Variants in UBE2D2 observed in about 807,000 individuals in gnomAD.
UBE2D2 encodes ubiquitin conjugating enzyme E2 D2, also known as ubiquitin-conjugating enzyme E2 D2.
In UBE2D2, 2 loss-of-function variants were observed where a neutral mutation model predicts 24.2. That is an observed-to-expected ratio of 0.08 (90% CI 0.03 to 0.26). The LOEUF is 0.26. Ranked by LOEUF, UBE2D2 falls within the 10% of genes least tolerant of loss-of-function variation. The pLI is 1.00. For synonymous variants in UBE2D2, 58 were observed against 56.5 expected (o/e 1.03, Z -0.12); for missense variants, 44 against 177.6 (o/e 0.25, Z 4.28).
chr5:139,546,807 C>CTTTCT (rs1438002511), intron 1 of UBE2D2, among the ~76,000 whole-genome samples: 7 of 141,952 alleles, frequency 4.9e-5, no homozygotes, highest in Admixed American at 1.5e-4. Context: ...TTCTTTCTTT[C>CTTTCT]TTCTTTCTTT....
At chr5:139,604,243 C>T (rs1159408635) in intron 2 of UBE2D2, among the ~76,000 whole-genome samples, 1 of 150,830 alleles carries the variant, frequency 6.6e-6, no homozygotes, top group Non-Finnish European at 1.5e-5. Flanking sequence ...TGGGTTCAAG[C>T]AGTTCTCCTG....
At chr5:139,596,042 C>T (rs543372296) in intron 1 of UBE2D2, among the ~76,000 whole-genome samples, 23 of 150,436 alleles carry the variant, frequency 1.5e-4, no homozygotes, top group African/African-American at 5.1e-4. Flanking sequence ...TACAGGCGCG[C>T]GCCACCATGC....
chr5:139,599,086 C>T (rs1323067927), intron 1 of UBE2D2, among the ~76,000 whole-genome samples: 15 of 151,564 alleles, frequency 9.9e-5, no homozygotes, highest in Admixed American at 7.9e-4. Flanking sequence ...GCACCCACTA[C>T]GCTCGGCTAA....
rs1292231182 is a variant in UBE2D2, at chr5:139,617,370, A to ATTT, written c.304+2425_304+2427dup. 2.2e-3 allele frequency among the ~76,000 whole-genome samples: 223 copies of ATTT among 102,496 alleles called. 6 individuals carry two copies. The highest frequency in any genetic ancestry group is 4.2e-3 in the African/African-American group (113 of 26,922). The allele number at this position is 102,496 out of a possible 152,430, so 67.2% of individuals were successfully genotyped here. A position where few individuals can be genotyped will look rare whatever the true frequency, so the allele number is the denominator to read the frequency against. On this transcript the variant is annotated intron_variant, in intron 5 of 6. Transcript: ENST00000398733. ...TTTGTGTGGTGAAATGTGGTGTGTGATTTTTTTTTTTTTTTTTTTTTTTGA... is the reference window on the plus strand; with the variant it reads ...TTTGTGTGGTGAAATGTGGTGTGTGATTTTTTTTTTTTTTTTTTTTTTTTTTGA...
At chr5:139,526,962 T>C (rs1267551556) in intron 1 of UBE2D2, among the ~76,000 whole-genome samples, 1 of 152,178 alleles carries the variant, frequency 6.6e-6, no homozygotes, top group Non-Finnish European at 1.5e-5. Flanking sequence ...CCATTCTTTG[T>C]CTTGTGGTGA....
intron 1 of UBE2D2, among the ~76,000 whole-genome samples, chr5:139,564,434 G>A (rs1753173851): frequency 6.7e-6 from 1 of 149,898 alleles, no homozygotes; most frequent in Non-Finnish European, 1.5e-5. Context: ...GATTATAGGC[G>A]TGAGCTACCG....
intron 5 of UBE2D2, among the ~76,000 whole-genome samples, chr5:139,620,890 T>C (rs1282345761): frequency 1.3e-5 from 2 of 152,274 alleles, no homozygotes; most frequent in Non-Finnish European, 2.9e-5. Flanking sequence ...CAGAGGCTAC[T>C]GAACTTAATG....
chr5:139,546,302 A>G (rs751732623), intron 1 of UBE2D2, among the ~76,000 whole-genome samples: 2 of 152,074 alleles, frequency 1.3e-5, no homozygotes, highest in South Asian at 2.1e-4. Context: ...TTGGCTTCCC[A>G]AAGTGCTGGG....
At chr5:139,598,745 A>G (rs1754009323) in intron 1 of UBE2D2, among the ~76,000 whole-genome samples, 1 of 150,166 alleles carries the variant, frequency 6.7e-6, no homozygotes. Flanking sequence ...TTTTTTTAGT[A>G]CAGATGGGGT....
In UBE2D2 at chr5:139,562,060, G is replaced by A. The variant is rs1039303649; in HGVS notation, c.24+245G>A. On this transcript the variant is annotated intron_variant, in intron 1 of 6. Transcript: ENST00000398733. Reference sequence around the variant, plus strand: ...CCTCCCCGGCTGCCCTTCCAGGCCCGCATGGTGTGGACTCTTAGGGCTTCT... The same window carrying A: ...CCTCCCCGGCTGCCCTTCCAGGCCCACATGGTGTGGACTCTTAGGGCTTCT... The A allele has an allele frequency of 1.3e-4, 107 of 817,822 alleles. No individual in the cohort carries two copies. The African/African-American group carries it at 1.7e-3, about 13-fold the overall frequency. The allele number at this position is 817,822 out of a possible 1,614,324, so 50.7% of individuals were successfully genotyped here.
At chr5:139,612,456 A>C (rs1053488696) in intron 2 of UBE2D2, 8 of 152,282 alleles carry the variant, frequency 5.3e-5, no homozygotes, top group Admixed American at 3.9e-4. Flanking sequence ...ATTAGAGATG[A>C]GGGCGCCACT....
At chr5:139,529,627 C>T (rs1752578145) in intron 1 of UBE2D2, among the ~76,000 whole-genome samples, 1 of 152,082 alleles carries the variant, frequency 6.6e-6, no homozygotes, top group African/African-American at 2.4e-5. Flanking sequence ...ACAAACCCCT[C>T]AGACCCAAGT....
intron 1 of UBE2D2, among the ~76,000 whole-genome samples, chr5:139,545,914 A>C (rs943410177): frequency 2.7e-5 from 4 of 150,756 alleles, no homozygotes; most frequent in Admixed American, 1.3e-4. Flanking sequence ...TTAAGTAGAG[A>C]TGGGGTTTCA....
At chr5:139,530,890 G>A (rs1404332575) in intron 1 of UBE2D2, among the ~76,000 whole-genome samples, 2 of 152,188 alleles carry the variant, frequency 1.3e-5, no homozygotes, top group Non-Finnish European at 2.9e-5. Context: ...ATAGGAACCT[G>A]CTTACTGCTC....
At chr5:139,560,225 A>C, upstream of UBE2D2, among the ~76,000 whole-genome samples, 2 of 112,268 alleles carry the variant, frequency 1.8e-5, no homozygotes, top group South Asian at 2.8e-4. Context: ...TTTGAGACGC[A>C]TTCTTGCTGT....
At chr5:139,585,705 C>T (rs1208834696) in intron 1 of UBE2D2, among the ~76,000 whole-genome samples, 1 of 151,916 alleles carries the variant, frequency 6.6e-6, no homozygotes, top group Non-Finnish European at 1.5e-5. Context: ...CTACAGAATG[C>T]AGTGAAGAAT....
At chr5:139,610,305 G>T (rs1754288015) in intron 2 of UBE2D2, among the ~76,000 whole-genome samples, 1 of 152,076 alleles carries the variant, frequency 6.6e-6, no homozygotes, top group African/African-American at 2.4e-5. Context: ...CACTTTGGGA[G>T]GTCGAAGTGG....
intron 1 of UBE2D2, 159 bp downstream of exon 1, chr5:139,561,974 C>T: frequency 9.4e-7 from 1 of 1,068,064 alleles, no homozygotes; most frequent in Non-Finnish European, 1.3e-6. Flanking sequence ...TGATGGCGCC[C>T]GTGGAGGCCC....
chr5:139,570,150 C>T (rs1363710801), intron 1 of UBE2D2, among the ~76,000 whole-genome samples: 2 of 150,216 alleles, frequency 1.3e-5, no homozygotes, highest in Non-Finnish European at 2.9e-5. Context: ...GCCTGTAGTC[C>T]TAGCTACTCA....
Sources: allele counts gnomAD v4.1 joint callset (sites outside exome capture counted in the v4.1 genomes callset), GRCh38; gene constraint gnomAD v4.1.1; transcripts MANE v1.5; gene names NCBI Gene and HGNC (gene_info 2026-07-23, HGNC 2026-07-21).